ADGRB3: variants seen among roughly 807,000 people sequenced by gnomAD.
ADGRB3 encodes brain-specific angiogenesis inhibitor 3.
In ADGRB3, 37 loss-of-function variants were observed where a neutral mutation model predicts 193.4. The ratio of observed to expected loss-of-function variants is 0.19; its 90% confidence interval spans 0.15 to 0.25. The LOEUF is 0.25. Among genes scored for constraint, ADGRB3 ranks in the 10% least tolerant of loss-of-function variants. The pLI, the probability that ADGRB3 is intolerant of heterozygous loss-of-function variation, is 1.00. For synonymous variants in ADGRB3, 690 were observed against 644.2 expected (o/e 1.07, Z -1.08); for missense variants, 1,637 against 1,852.9 (o/e 0.88, Z 2.14).
intron 17 of ADGRB3, among the ~76,000 whole-genome samples, chr6:69,097,624 T>C (rs1222064188): frequency 6.6e-6 from 1 of 152,146 alleles, no homozygotes; most frequent in Admixed American, 6.6e-5. Context: ...TCTGGAGCTA[T>C]TGCATAATAA....
chr6:69,339,079 T>A, intron 25 of ADGRB3, 65 bp downstream of exon 25: 1 of 1,546,154 alleles, frequency 6.5e-7, no homozygotes, highest in Non-Finnish European at 8.9e-7. Flanking sequence ...GAAAATGCTA[T>A]GATGAAAAAA....
At chr6:68,911,999 G>C (rs6924584) in intron 3 of ADGRB3, among the ~76,000 whole-genome samples, 3 of 151,816 alleles carry the variant, frequency 2.0e-5, no homozygotes, top group African/African-American at 7.3e-5. Flanking sequence ...AAAACATAGA[G>C]CACTGTTACA....
intron 16 of ADGRB3, among the ~76,000 whole-genome samples, chr6:69,070,739 T>C (rs974906594): frequency 6.6e-6 from 1 of 152,184 alleles, no homozygotes; most frequent in East Asian, 1.9e-4. Context: ...CATCCCAGTT[T>C]ATTCTGAAGT....
chr6:69,306,568 A>G (rs745428432), intron 20 of ADGRB3, among the ~76,000 whole-genome samples: 1 of 151,538 alleles, frequency 6.6e-6, no homozygotes, highest in Non-Finnish European at 1.5e-5. Flanking sequence ...AAATACTGCA[A>G]TACAAAGATA....
intron 3 of ADGRB3, among the ~76,000 whole-genome samples, chr6:68,886,113 A>G (rs1458883428): frequency 2.6e-5 from 4 of 152,136 alleles, no homozygotes; most frequent in Admixed American, 2.0e-4. Flanking sequence ...TTTGCTTGTT[A>G]CAGTAATAGT....
intron 3 of ADGRB3, among the ~76,000 whole-genome samples, chr6:68,758,794 C>G (rs145144584): frequency 6.6e-6 from 1 of 152,240 alleles, no homozygotes; most frequent in East Asian, 1.9e-4. Context: ...TGTTGTTCAG[C>G]TTTGTAGTAT....
At chr6:69,119,407 G>A (rs1181188220) in intron 17 of ADGRB3, among the ~76,000 whole-genome samples, 6 of 152,102 alleles carry the variant, frequency 3.9e-5, no homozygotes, top group African/African-American at 1.2e-4. Flanking sequence ...ATTCTAATAT[G>A]GGTAGATATA....
intron 10 of ADGRB3, among the ~76,000 whole-genome samples, chr6:68,979,478 T>G (rs1325029303): frequency 6.6e-6 from 1 of 151,510 alleles, no homozygotes; most frequent in Non-Finnish European, 1.5e-5. Context: ...AGTTAGACAC[T>G]ATCATATCAA....
At chr6:69,169,705 T>G (rs1018148346) in intron 17 of ADGRB3, among the ~76,000 whole-genome samples, 1 of 152,028 alleles carries the variant, frequency 6.6e-6, no homozygotes, top group Non-Finnish European at 1.5e-5. Flanking sequence ...CAAGATCTTC[T>G]GAGGAATAAC....
At position 69,239,768 on chromosome 6, in the gene ADGRB3, C is replaced by T. The variant is rs368699229; in HGVS notation, c.2814+542C>T. On this transcript the variant is annotated intron_variant, in intron 20 of 31. Transcript: ENST00000370598. ...TGCTTCACCTAAAGGTATTTTGATA[C>T]TTAGCAGAATGGAAAAGTGTATTTT... Among the ~76,000 whole-genome samples the T allele has an allele frequency of 3.1e-4, 47 of 152,118 alleles. No individual in the cohort carries two copies. The South Asian group carries it at 9.3e-3, about 30-fold the overall frequency.
At chr6:69,374,606 G>A (rs1262748907) in intron 30 of ADGRB3, among the ~76,000 whole-genome samples, 1 of 152,010 alleles carries the variant, frequency 6.6e-6, no homozygotes, top group Non-Finnish European at 1.5e-5. Flanking sequence ...TGTCATACCA[G>A]GGGAATAGCC....
At chr6:69,081,311 A>G (rs947213391) in intron 17 of ADGRB3, among the ~76,000 whole-genome samples, 1 of 152,006 alleles carries the variant, frequency 6.6e-6, no homozygotes, top group Non-Finnish European at 1.5e-5. Context: ...TAGTCCTTAT[A>G]AAGTAAAATT....
chr6:68,720,303 A>T (rs1765554639), intron 3 of ADGRB3, among the ~76,000 whole-genome samples: 1 of 151,754 alleles, frequency 6.6e-6, no homozygotes, highest in African/African-American at 2.4e-5. Flanking sequence ...ACAGCCCTAA[A>T]TTCATATGCC....
At chr6:69,329,465 T>A (rs1020834726) in intron 22 of ADGRB3, among the ~76,000 whole-genome samples, 5 of 152,180 alleles carry the variant, frequency 3.3e-5, no homozygotes, top group African/African-American at 1.2e-4. Flanking sequence ...TAAGATATAA[T>A]TTACATAGAG....
Position 68,953,446 on chromosome 6 carries a change from C to G in ADGRB3, c.1196-2578C>G, listed in dbSNP as rs139863115. Among the ~76,000 whole-genome samples, 1,457 of 152,218 alleles carry G rather than the reference C, an allele frequency of 9.6e-3. 24 individuals are homozygous for G. Among genetic ancestry groups the G allele is most frequent in the African/African-American group, 0.033 (1,385 of 41,544 alleles). ...CATGAATCTCTTTTTATAAACCCTT[C>G]TCAGAATGCTTAGGATGGTGAGGCT... On this transcript the variant is annotated intron_variant, in intron 6 of 31. Transcript: ENST00000370598.
At chr6:68,890,178 G>T (rs1432974863) in intron 3 of ADGRB3, among the ~76,000 whole-genome samples, 3 of 152,122 alleles carry the variant, frequency 2.0e-5, no homozygotes, top group Non-Finnish European at 4.4e-5. Context: ...TATCTTATCT[G>T]TTCTTCACTT....
intron 3 of ADGRB3, among the ~76,000 whole-genome samples, chr6:68,852,322 T>C (rs1053856951): frequency 5.3e-5 from 8 of 151,934 alleles, no homozygotes; most frequent in African/African-American, 1.4e-4. Context: ...ATTTTTGTAA[T>C]TGGGCTCAGA....
intron 3 of ADGRB3, among the ~76,000 whole-genome samples, chr6:68,920,039 G>A: frequency 6.6e-6 from 1 of 152,150 alleles, no homozygotes; most frequent in East Asian, 1.9e-4. Flanking sequence ...GTAACTCAGA[G>A]CATCCAAAAC....
In ADGRB3 at chr6:69,060,624, C is replaced by T. The variant is rs76610661; in HGVS notation, c.2334-2310C>T. Among the ~76,000 whole-genome samples the T allele has an allele frequency of 6.8e-3, 1,039 of 151,748 alleles. 9 individuals carry two copies. Among genetic ancestry groups the T allele is most frequent in the Middle Eastern group, 0.024 (7 of 294 alleles). The stretch of plus-strand genomic sequence containing the variant: ...GTAATCATTGGGTTTTATTAAAAGC[C>T]GGTAACTAGGATTATAAAGAGAACC... On this transcript the variant is annotated intron_variant, in intron 15 of 31. Transcript: ENST00000370598.
Sources: gnomAD v4.1 joint callset for allele counts (sites outside exome capture counted in the v4.1 genomes callset) on GRCh38, gnomAD v4.1.1 for gene constraint, MANE v1.5 for transcripts, NCBI Gene and HGNC (gene_info 2026-07-23, HGNC 2026-07-21) for gene names.